SMCO2: variants seen among roughly 807,000 people sequenced by gnomAD.
SMCO2 encodes the protein single-pass membrane and coiled-coil domain-containing protein 2.
Under a neutral mutation model 29.5 loss-of-function variants are expected in SMCO2, and 25 were observed. That is an observed-to-expected ratio of 0.85 (90% CI 0.62 to 1.18). The LOEUF (loss-of-function observed/expected upper bound fraction) is 1.18, where lower values mean the gene tolerates loss of function less well. SMCO2 is among the 50% of genes most tolerant of loss of function. SMCO2 has a pLI of 0.00. For missense variants in SMCO2, 348 were observed against 344.5 expected (o/e 1.01, Z -0.08); for synonymous variants, 117 against 123.3 (o/e 0.95, Z 0.34).
the SMCO2 span, among the ~76,000 whole-genome samples, chr12:27,452,388 A>C: frequency 1.3e-5 from 2 of 152,134 alleles, no homozygotes; most frequent in Admixed American, 6.5e-5. Flanking sequence ...ATCTTTCCAC[A>C]TTCTACCACA....
chr12:27,474,427 T>C (rs1949566565), intron 3 of SMCO2, among the ~76,000 whole-genome samples: 1 of 152,200 alleles, frequency 6.6e-6, no homozygotes, highest in Non-Finnish European at 1.5e-5. Context: ...TCTCTTAATA[T>C]AGAATAGTCC....
At chr12:27,437,403 G>A in the SMCO2 span, among the ~76,000 whole-genome samples, 13,731 of 151,992 alleles carry the variant, frequency 0.09, 641 homozygotes, top group South Asian at 0.13. Flanking sequence ...ACGATGTCCA[G>A]TTTGGACTTT....
the SMCO2 span, among the ~76,000 whole-genome samples, chr12:27,440,302 A>G: frequency 6.6e-6 from 1 of 152,258 alleles, no homozygotes; most frequent in African/African-American, 2.4e-5. Context: ...AGAGAAAAAC[A>G]AAAGCTGAGA....
exon 2 of SMCO2, chr12:27,470,701 C>G: frequency 6.4e-7 from 1 of 1,551,250 alleles, no homozygotes; most frequent in South Asian, 1.2e-5. Context: ...CCAGGAACAA[C>G]AGCTGACTAA....
the SMCO2 span, among the ~76,000 whole-genome samples, chr12:27,438,972 T>G: frequency 6.6e-6 from 1 of 152,110 alleles, no homozygotes; most frequent in Non-Finnish European, 1.5e-5. Flanking sequence ...ATGAACCACA[T>G]GGAAAATCCC....
intron 7 of SMCO2, among the ~76,000 whole-genome samples, chr12:27,500,252 A>G (rs1943060993): frequency 6.6e-6 from 1 of 150,538 alleles, no homozygotes; most frequent in Admixed American, 6.6e-5. Flanking sequence ...GTAAATAAAA[A>G]TCAAATGATT....
chr12:27,488,656 A>G, intron 5 of SMCO2, 109 bp downstream of exon 6: 1 of 727,028 alleles, frequency 1.4e-6, no homozygotes, highest in Non-Finnish European at 2.0e-6. Context: ...ACTCATAAGC[A>G]GGAGTGCTCT....
chr12:27,488,801 G>A (rs601009), intron 5 of SMCO2, among the ~76,000 whole-genome samples: 18,649 of 152,132 alleles, frequency 0.12, 2,207 homozygotes, highest in African/African-American at 0.29. Flanking sequence ...CTTAAGATGA[G>A]TACCTTAAGG....
chr12:27,464,066 C>T (rs102018), upstream of SMCO2, among the ~76,000 whole-genome samples: 5,019 of 152,182 alleles, frequency 0.033, 300 homozygotes, highest in African/African-American at 0.11. Flanking sequence ...TTTGAAATTG[C>T]GAACAGCGTT....
intron 3 of SMCO2, among the ~76,000 whole-genome samples, chr12:27,473,646 T>C (rs905754032): frequency 6.6e-6 from 1 of 152,176 alleles, no homozygotes; most frequent in Non-Finnish European, 1.5e-5. Context: ...TGAAAATAAA[T>C]AATGCACATG....
At chr12:27,453,997 G>A in the SMCO2 span, among the ~76,000 whole-genome samples, 1 of 151,674 alleles carries the variant, frequency 6.6e-6, no homozygotes, top group African/African-American at 2.4e-5. Context: ...TTTTTTGTGG[G>A]GGAGGGGGAC....
At chr12:27,451,137 A>G in the SMCO2 span, among the ~76,000 whole-genome samples, 24 of 152,326 alleles carry the variant, frequency 1.6e-4, 1 homozygote, top group South Asian at 6.2e-4. Flanking sequence ...CTCTGTCCAA[A>G]ATTTCAGATT....
chr12:27,479,603 A>G (rs1364155617), intron 4 of SMCO2, among the ~76,000 whole-genome samples: 1 of 152,160 alleles, frequency 6.6e-6, no homozygotes, highest in Non-Finnish European at 1.5e-5. Flanking sequence ...CTTGAATTGT[A>G]GCTCCCATAA....
chr12:27,427,484 C>T, the SMCO2 span, among the ~76,000 whole-genome samples: 1 of 152,196 alleles, frequency 6.6e-6, no homozygotes, highest in Non-Finnish European at 1.5e-5. Flanking sequence ...GAGTAGGGAA[C>T]AGAGGGCCTC....
At chr12:27,494,161 C>T (rs1592218650) in intron 5 of SMCO2, 139 bp from the exon 7 acceptor site, 5 of 502,142 alleles carry the variant, frequency 1.0e-5, no homozygotes, top group Non-Finnish European at 1.7e-5. Context: ...TGAATTTGCT[C>T]TAAGAGGAAG....
At chr12:27,492,688 G>T (rs1334001916) in intron 5 of SMCO2, among the ~76,000 whole-genome samples, 1 of 152,208 alleles carries the variant, frequency 6.6e-6, no homozygotes, top group Non-Finnish European at 1.5e-5. Flanking sequence ...AATAACAGAT[G>T]TTGGCCAGGT....
intron 3 of SMCO2, among the ~76,000 whole-genome samples, chr12:27,474,550 A>G (rs933463506): frequency 2.0e-5 from 3 of 152,084 alleles, no homozygotes; most frequent in Non-Finnish European, 4.4e-5. Flanking sequence ...ACTCATCAGG[A>G]CTGAAAAGAG....
chr12:27,439,036 C>T, the SMCO2 span, among the ~76,000 whole-genome samples: 23 of 152,288 alleles, frequency 1.5e-4, no homozygotes, highest in Admixed American at 7.8e-4. Context: ...GGTTAATAAG[C>T]TTCCTCACCT....
chr12:27,489,675 G>T (rs559996419), intron 5 of SMCO2, among the ~76,000 whole-genome samples: 37 of 152,168 alleles, frequency 2.4e-4, no homozygotes, highest in African/African-American at 8.7e-4. Context: ...ATTGCCTGGG[G>T]GAAAAATTAC....
Sources: gnomAD v4.1 joint callset for allele counts (sites outside exome capture counted in the v4.1 genomes callset) on GRCh38, gnomAD v4.1.1 for gene constraint, MANE v1.5 for transcripts, NCBI Gene and HGNC (gene_info 2026-07-23, HGNC 2026-07-21) for gene names.